LNPEP: variants seen among roughly 807,000 people sequenced by gnomAD.
The protein encoded by LNPEP is leucyl and cystinyl aminopeptidase.
LNPEP carries 64 observed loss-of-function variants against 120.6 expected under a neutral mutation model. The ratio of observed to expected loss-of-function variants is 0.53; its 90% CI spans 0.43 to 0.65. LNPEP has a LOEUF of 0.65. Ranked by LOEUF, LNPEP falls within the 30% of genes least tolerant of loss-of-function variation. LNPEP has a pLI of 0.00. For synonymous variants in LNPEP, 435 were observed against 425.4 expected, an observed-to-expected ratio of 1.02 and a Z score of -0.28; for missense variants, 1,057 against 1,200.0, an observed-to-expected ratio of 0.88 and a Z score of 1.76.
At position 97,022,420 on chromosome 5, in the gene LNPEP, G is replaced by A; in HGVS notation, c.2497G>A (p.Gly833Arg). Residue 833 changes from glycine to arginine, a missense_variant, in exon 14 of 18, where the codon GGG becomes AGG. Physicochemically the swap from Gly to Arg is moderately radical, Grantham distance 125. Transcript: ENST00000231368. Reference sequence around the variant, plus strand: ...AGAGTTTGCTTGCACCCACAACCTGGGGAACTGCTCTACTACTGCCATGAA... The same window carrying A: ...AGAGTTTGCTTGCACCCACAACCTGAGGAACTGCTCTACTACTGCCATGAA... ...LLEFACTHNL[G>R]NCSTTAMKLF... 1 of 1,614,026 alleles carries A rather than the reference G, an allele frequency of 6.2e-7. No homozygotes were observed. Among genetic ancestry groups the A allele is most frequent in the Non-Finnish European group, 8.5e-7 (1 of 1,179,956 alleles).
At chr5:97,009,161 G>A (rs1790865132) in intron 11 of LNPEP, among the ~76,000 whole-genome samples, 1 of 152,012 alleles carries the variant, frequency 6.6e-6, no homozygotes, top group South Asian at 2.1e-4. Flanking sequence ...TCTCCTTAAG[G>A]AACACCCTTG....
chr5:96,980,116 G>A, intron 2 of LNPEP, 138 bp downstream of exon 2: 1 of 771,334 alleles, frequency 1.3e-6, no homozygotes, highest in African/African-American at 1.8e-5. Context: ...GTAGAATGGT[G>A]ATTTAGAACA....
intron 1 of LNPEP, among the ~76,000 whole-genome samples, chr5:96,973,506 A>C (rs1464055369): frequency 6.6e-6 from 1 of 152,144 alleles, no homozygotes; most frequent in Non-Finnish European, 1.5e-5. Context: ...ACTCAGAAGA[A>C]TATTAGACTT....
intron 1 of LNPEP, among the ~76,000 whole-genome samples, chr5:96,978,850 A>C (rs1489343498): frequency 6.6e-6 from 1 of 152,246 alleles, no homozygotes; most frequent in East Asian, 1.9e-4. Context: ...GAGTATATTA[A>C]GGAAATTAGT....
At chr5:96,985,765 T>G (rs1411650466) in intron 3 of LNPEP, among the ~76,000 whole-genome samples, 21 of 151,628 alleles carry the variant, frequency 1.4e-4, no homozygotes, top group East Asian at 1.2e-3. Context: ...TTTGTTTTTT[T>G]TTTTTTGGTC....
Position 97,013,718 on chromosome 5 carries a change from A to G in LNPEP, c.2106A>G (p.Val702=), listed in dbSNP as rs1790993088. The G allele has an allele frequency of 6.2e-7, 1 of 1,608,770 alleles. No homozygotes were observed. Among genetic ancestry groups the G allele is most frequent in the Non-Finnish European group, 8.5e-7 (1 of 1,176,016 alleles). The change falls in exon 12 of 18, where the codon GTA becomes GTG. Residue 702 remains valine (V), a synonymous_variant. Transcript: ENST00000231368. ...TAAACATGAATGGTTATTATATTGT[A>G]CACTATGCAGATGATGATTGGGAAG... ...VNINMNGYYI[V]HYADDDWEAL... is the part of the protein sequence containing the mutation.
chr5:96,948,369 C>G (rs145998961), intron 1 of LNPEP, among the ~76,000 whole-genome samples: 3 of 152,246 alleles, frequency 2.0e-5, no homozygotes, highest in African/African-American at 4.8e-5. Context: ...CTGCCTTTCT[C>G]GGCCTCCCAA....
At chr5:96,958,990 T>A (rs2112577810) in intron 1 of LNPEP, among the ~76,000 whole-genome samples, 1 of 152,168 alleles carries the variant, frequency 6.6e-6, no homozygotes, top group East Asian at 1.9e-4. Flanking sequence ...CATGCCCAGC[T>A]AATTTTTGTA....
At chr5:96,988,125 CCTT>C (rs1381807912) in intron 4 of LNPEP, among the ~76,000 whole-genome samples, 1 of 151,332 alleles carries the variant, frequency 6.6e-6, no homozygotes, top group Non-Finnish European at 1.5e-5. Context: ...CATTTTCCCC[CCTT>C]CTTTTCTTCC....
Position 97,035,336 on chromosome 5 carries a change from A to G in LNPEP, c.*6803A>G, listed in dbSNP as rs1472942312. On this transcript the variant is annotated 3_prime_UTR_variant, in exon 18 of 18. Coordinates refer to ENST00000231368, the MANE Select transcript of LNPEP (RefSeq NM_005575.3). ...AGGATCAGTGTATGACAAATCTCCC[A>G]TCCTCCCCTTTCCTTATTGCCTGTG... The G allele has an allele frequency of 6.6e-6, 1 of 152,038 alleles. No homozygotes were observed. Among genetic ancestry groups the G allele is most frequent in the Non-Finnish European group, 1.5e-5 (1 of 67,988 alleles). 9.4% of individuals were successfully genotyped at this position (152,038 alleles called of 1,614,324 possible).
chr5:96,969,282 C>T (rs1233903972), intron 1 of LNPEP, among the ~76,000 whole-genome samples: 1 of 149,564 alleles, frequency 6.7e-6, no homozygotes, highest in African/African-American at 2.5e-5. Flanking sequence ...TTGATGAGCT[C>T]ATAAGAAGTT....
chr5:97,006,334 T>G, intron 10 of LNPEP, 93 bp from the exon 11 acceptor site: 1 of 1,276,300 alleles, frequency 7.8e-7, no homozygotes, highest in East Asian at 2.3e-5. Context: ...CCTAACAAGA[T>G]TATCCCTTCC....
In LNPEP at chr5:97,036,735, A is replaced by T. The variant is rs1791579143; in HGVS notation, c.*8202A>T. The T allele has an allele frequency of 6.6e-6, 1 of 152,182 alleles. No homozygotes were observed. 9.4% of individuals were successfully genotyped at this position (152,182 alleles called of 1,614,324 possible). ...AGAACTCCTAGAAAATTTGCAAAGA[A>T]ATGTTACATACTGTATATCAAACTC... On this transcript the variant is annotated 3_prime_UTR_variant, in exon 18 of 18. Coordinates refer to ENST00000231368, the MANE Select transcript of LNPEP (RefSeq NM_005575.3).
intron 14 of LNPEP, among the ~76,000 whole-genome samples, chr5:97,024,168 A>C (rs149044310): frequency 4.5e-4 from 68 of 152,298 alleles, no homozygotes; most frequent in African/African-American, 1.6e-3. Context: ...CTACCATGAA[A>C]CTTATCACAC....
chr5:97,018,262 C>A (rs889542332), intron 13 of LNPEP, among the ~76,000 whole-genome samples: 7 of 152,020 alleles, frequency 4.6e-5, no homozygotes, highest in African/African-American at 1.2e-4. Context: ...GACTCTGAAG[C>A]TGCCCAGTTA....
At position 97,034,057 on chromosome 5, in the gene LNPEP, T is replaced by TA. The variant is rs1277073097; in HGVS notation, c.*5525dup. ...CTGTACCCAGTCCATTGCTTGGACT[T>TA]ACGGGTACCTAATGAAACGTGGAGG... is the stretch of plus-strand genomic sequence containing the variant. On this transcript the variant is annotated 3_prime_UTR_variant, in exon 18 of 18. Coordinates refer to ENST00000231368, the MANE Select transcript of LNPEP (RefSeq NM_005575.3). 2 of 152,138 alleles carry TA rather than the reference T, an allele frequency of 1.3e-5. No homozygotes were observed. Among genetic ancestry groups the TA allele is most frequent in the African/African-American group, 2.4e-5 (1 of 41,438 alleles). The allele number at this position is 152,138 out of a possible 1,614,324, so 9.4% of individuals were successfully genotyped here.
At chr5:96,940,429 G>T (rs989526233) in intron 1 of LNPEP, among the ~76,000 whole-genome samples, 1 of 150,210 alleles carries the variant, frequency 6.7e-6, no homozygotes, top group Admixed American at 6.6e-5. Flanking sequence ...TTTTCTGCTA[G>T]ACACAGTTAC....
chr5:97,022,588 T>A, intron 14 of LNPEP, 104 bp downstream of exon 14: 1 of 935,724 alleles, frequency 1.1e-6, no homozygotes, highest in Non-Finnish European at 1.6e-6. Context: ...GTTATAAAAC[T>A]GAGTGTCAGT....
At chr5:97,011,594 A>G (rs1236566450) in intron 11 of LNPEP, among the ~76,000 whole-genome samples, 1 of 152,120 alleles carries the variant, frequency 6.6e-6, no homozygotes, top group Non-Finnish European at 1.5e-5. Flanking sequence ...GAGTGTTGAT[A>G]TTTTTGGATT....
Sources: allele counts gnomAD v4.1 joint callset (sites outside exome capture counted in the v4.1 genomes callset), GRCh38; gene constraint gnomAD v4.1.1; transcripts MANE v1.5; gene names NCBI Gene and HGNC (gene_info 2026-07-23, HGNC 2026-07-21).